GPR19: variants seen among roughly 807,000 people sequenced by gnomAD.
GPR19 encodes probable G protein-coupled receptor 19.
Under a neutral mutation model 28.5 loss-of-function variants are expected in GPR19, and 14 were observed. The ratio of observed to expected loss-of-function variants is 0.49; its 90% CI spans 0.32 to 0.77. GPR19 has a LOEUF of 0.77. Ranked by LOEUF, GPR19 falls within the 30% of genes least tolerant of loss-of-function variation. The pLI, the probability that GPR19 is intolerant of heterozygous loss-of-function variation, is 0.03. For missense variants in GPR19, 409 were observed against 504.1 expected (o/e 0.81, Z 1.81); for synonymous variants, 173 against 184.1 (o/e 0.94, Z 0.49).
At chr12:12,689,766 G>C (rs1384640321) in intron 2 of GPR19, among the ~76,000 whole-genome samples, 3 of 152,154 alleles carry the variant, frequency 2.0e-5, no homozygotes, top group African/African-American at 7.2e-5. Flanking sequence ...CTAATAAATA[G>C]AATGTGACAG....
intron 3 of GPR19, among the ~76,000 whole-genome samples, chr12:12,675,030 T>C (rs1458015247): frequency 6.6e-6 from 1 of 152,116 alleles, no homozygotes; most frequent in Non-Finnish European, 1.5e-5. Flanking sequence ...AGGTAGACCC[T>C]CCAGGACCCC....
chr12:12,700,147 TTCTC>T (rs1203557862), upstream of GPR19, among the ~76,000 whole-genome samples: 1 of 31,756 alleles, frequency 3.1e-5, no homozygotes, highest in African/African-American at 5.5e-5. Flanking sequence ...CTCTTCTTTT[TTCTC>T]TCTCTTTCTT....
the GPR19 span, among the ~76,000 whole-genome samples, chr12:12,709,512 C>A: frequency 6.6e-6 from 1 of 152,178 alleles, no homozygotes; most frequent in Non-Finnish European, 1.5e-5. Context: ...ATGAACAGGG[C>A]TCACTGCAGC....
At chr12:12,667,648 G>A (rs1015370423) in intron 3 of GPR19, among the ~76,000 whole-genome samples, 5 of 149,710 alleles carry the variant, frequency 3.3e-5, no homozygotes, top group Admixed American at 6.7e-5. Flanking sequence ...CTGAGATCAC[G>A]CCACTGCACT....
At chr12:12,697,717 A>T (rs1218005263), upstream of GPR19, among the ~76,000 whole-genome samples, 1 of 152,248 alleles carries the variant, frequency 6.6e-6, no homozygotes, top group Non-Finnish European at 1.5e-5. Context: ...GCATGTGTCC[A>T]GCATCGGTCA....
At chr12:12,670,978 C>T (rs1032943332) in intron 3 of GPR19, among the ~76,000 whole-genome samples, 10 of 152,038 alleles carry the variant, frequency 6.6e-5, no homozygotes, top group African/African-American at 1.7e-4. Flanking sequence ...GGATTGAATA[C>T]GCCTTTTTCA....
chr12:12,705,949 C>T, the GPR19 span, among the ~76,000 whole-genome samples: 1 of 152,162 alleles, frequency 6.6e-6, no homozygotes. Flanking sequence ...ATATATGGCA[C>T]CATTTTAATA....
chr12:12,680,001 T>A (rs1200528235), intron 3 of GPR19, among the ~76,000 whole-genome samples: 2 of 152,192 alleles, frequency 1.3e-5, no homozygotes, highest in African/African-American at 4.8e-5. Flanking sequence ...TTTGCTTTCA[T>A]TATATGCATT....
intron 2 of GPR19, among the ~76,000 whole-genome samples, chr12:12,694,030 C>G (rs1156281994): frequency 6.6e-6 from 1 of 151,900 alleles, no homozygotes; most frequent in Non-Finnish European, 1.5e-5. Flanking sequence ...CAGTGGCTCT[C>G]AACCTTTGTT....
At chr12:12,671,738 C>G (rs961105875) in intron 3 of GPR19, among the ~76,000 whole-genome samples, 1 of 152,194 alleles carries the variant, frequency 6.6e-6, no homozygotes, top group East Asian at 1.9e-4. Flanking sequence ...ACTCTCCTAT[C>G]ACATTTGCCT....
Position 12,662,488 on chromosome 12 carries a change from G to T in GPR19, c.-22-18C>A. On this transcript the variant is annotated intron_variant, in intron 3 of 3. Coordinates refer to ENST00000651487, the MANE Select transcript of GPR19 (RefSeq NM_006143.3). Reference sequence around the variant, plus strand: ...TCTTAATTCTGGTTGGGGAAAAGAAGAATGAGGCCTCCTGTTAAAAAGGTG... The same window carrying T: ...TCTTAATTCTGGTTGGGGAAAAGAATAATGAGGCCTCCTGTTAAAAAGGTG... 6.4e-7 allele frequency: 1 copy of T among 1,573,018 alleles called. No individual in the cohort carries two copies.
chr12:12,703,501 T>G, the GPR19 span: 3 of 838,980 alleles, frequency 3.6e-6, no homozygotes, highest in Non-Finnish European at 4.3e-6. Flanking sequence ...TAGACATCTT[T>G]GCCATAGAAG....
rs1481336245 is a variant in GPR19, at chr12:12,662,316, C to T, written c.133G>A (p.Glu45Lys). The T allele has an allele frequency of 2.0e-5, 32 of 1,614,112 alleles. No homozygotes were observed. The highest frequency in any genetic ancestry group is 2.5e-5 in the Non-Finnish European group (30 of 1,180,052). ...LPSQYLMELS[E>K]EHSWMSNQTD... Reference sequence around the variant, plus strand: ...TGGTTGCTCATCCAACTGTGCTCCTCACTTAATTCCATCAGGTATTGGCTT... The same window carrying T: ...TGGTTGCTCATCCAACTGTGCTCCTTACTTAATTCCATCAGGTATTGGCTT... The change falls in exon 4 of 4, where the codon GAG becomes AAG. Residue 45 changes from glutamate (E) to lysine (K), a missense_variant. By Grantham distance (56) the Glu-to-Lys change is moderately conservative. Transcript: ENST00000651487.
the GPR19 span, among the ~76,000 whole-genome samples, chr12:12,706,650 T>C: frequency 2.6e-5 from 4 of 152,218 alleles, no homozygotes; most frequent in African/African-American, 7.2e-5. Flanking sequence ...CAATCAACCC[T>C]ATCTCAGCAA....
At chr12:12,683,452 A>G (rs1946051944) in intron 3 of GPR19, among the ~76,000 whole-genome samples, 1 of 152,218 alleles carries the variant, frequency 6.6e-6, no homozygotes, top group Non-Finnish European at 1.5e-5. Context: ...TTTGGGGTCA[A>G]GTTTCGTAGG....
chr12:12,697,123 C>T (rs1452901603), upstream of GPR19, among the ~76,000 whole-genome samples: 2 of 106,306 alleles, frequency 1.9e-5, no homozygotes, highest in Non-Finnish European at 3.5e-5. Flanking sequence ...GCAAAACCTA[C>T]ATGATTTAAG....
At chr12:12,690,269 T>C (rs1204770553) in intron 2 of GPR19, among the ~76,000 whole-genome samples, 1 of 152,208 alleles carries the variant, frequency 6.6e-6, no homozygotes, top group Non-Finnish European at 1.5e-5. Context: ...TAAGTGTCTT[T>C]GCTATATATG....
chr12:12,683,758 C>G (rs527244114), intron 3 of GPR19, among the ~76,000 whole-genome samples: 13 of 152,318 alleles, frequency 8.5e-5, no homozygotes, highest in Non-Finnish European at 1.6e-4. Flanking sequence ...TAGCCTGTAA[C>G]TTTGGTAGAT....
chr12:12,697,176 A>AAAAAAAAAAAC (rs1565413598), upstream of GPR19, among the ~76,000 whole-genome samples: 3 of 149,932 alleles, frequency 2.0e-5, no homozygotes, highest in Non-Finnish European at 4.4e-5. Context: ...AAAAAAAAAA[A>AAAAAAAAAAAC]AGCAGCCATG....
Sources: gnomAD v4.1 joint callset for allele counts (sites outside exome capture counted in the v4.1 genomes callset) on GRCh38, gnomAD v4.1.1 for gene constraint, MANE v1.5 for transcripts, NCBI Gene and HGNC (gene_info 2026-07-23, HGNC 2026-07-21) for gene names.